PLD5: variants seen among roughly 807,000 people sequenced by gnomAD.
PLD5 encodes the protein phospholipase D family member 5, also known as inactive phospholipase D5.
In PLD5, 36 loss-of-function variants were observed where a neutral mutation model predicts 61.1. The ratio of observed to expected loss-of-function variants is 0.59; its 90% confidence interval spans 0.45 to 0.78. PLD5 has a LOEUF of 0.78. PLD5 is among the 30% of genes least tolerant of loss of function. PLD5 has a pLI of 0.00. For missense variants in PLD5, 515 were observed against 644.4 expected (o/e 0.80, Z 2.17); for synonymous variants, 243 against 242.8 (o/e 1.00, Z -0.01).
At chr1:242,371,537 ATC>A (rs141990242) in intron 1 of PLD5, among the ~76,000 whole-genome samples, 2 of 149,818 alleles carry the variant, frequency 1.3e-5, no homozygotes, top group Admixed American at 6.7e-5. Context: ...CCTTCTTTCA[ATC>A]TCTCTCTCTC....
At chr1:242,291,800 C>G (rs1266686853) in intron 2 of PLD5, among the ~76,000 whole-genome samples, 2 of 152,092 alleles carry the variant, frequency 1.3e-5, no homozygotes. Flanking sequence ...GAGCGAGACT[C>G]TGTCTCAAAA....
chr1:242,284,482 C>T (rs1674908519), intron 3 of PLD5, among the ~76,000 whole-genome samples: 2 of 152,062 alleles, frequency 1.3e-5, no homozygotes. Flanking sequence ...AGATAAGTTC[C>T]CCCAGACCTT....
chr1:242,380,602 A>C (rs138645786), intron 1 of PLD5, among the ~76,000 whole-genome samples: 1 of 152,184 alleles, frequency 6.6e-6, no homozygotes, highest in African/African-American at 2.4e-5. Flanking sequence ...AATAACCATG[A>C]GTTCCAGACA....
intron 1 of PLD5, among the ~76,000 whole-genome samples, chr1:242,376,357 T>G (rs1661956600): frequency 1.3e-5 from 2 of 152,078 alleles, no homozygotes; most frequent in African/African-American, 2.4e-5. Flanking sequence ...CACACTGGAG[T>G]GCAGTTGTCT....
At chr1:242,231,541 A>G (rs1216448390) in intron 4 of PLD5, among the ~76,000 whole-genome samples, 3 of 152,212 alleles carry the variant, frequency 2.0e-5, no homozygotes. Flanking sequence ...ATATTGTTAC[A>G]TGACACCTCA....
chr1:242,248,856 C>G (rs1473383840), intron 4 of PLD5, among the ~76,000 whole-genome samples: 1 of 152,154 alleles, frequency 6.6e-6, no homozygotes, highest in Non-Finnish European at 1.5e-5. Flanking sequence ...GGTGTTAAAA[C>G]TAAATGGCCA....
intron 1 of PLD5, among the ~76,000 whole-genome samples, chr1:242,482,816 G>A (rs952058877): frequency 8.4e-4 from 128 of 152,280 alleles, no homozygotes; most frequent in Middle Eastern, 6.8e-3. Flanking sequence ...GAGAAAGGTC[G>A]TGTTACCCAC....
At chr1:242,178,745 T>C (rs1339161114) in intron 5 of PLD5, among the ~76,000 whole-genome samples, 3 of 152,216 alleles carry the variant, frequency 2.0e-5, no homozygotes, top group Non-Finnish European at 2.9e-5. Context: ...TGATTGACTT[T>C]AGAAAATAAG....
chr1:242,207,914 TTA>T (rs1172418491), intron 5 of PLD5, among the ~76,000 whole-genome samples: 5 of 12,838 alleles, frequency 3.9e-4, no homozygotes, highest in African/African-American at 1.2e-3. Context: ...TTATATATAT[TTA>T]TATATTTATA....
At chr1:242,318,335 G>A (rs1016241015) in intron 2 of PLD5, among the ~76,000 whole-genome samples, 2 of 152,152 alleles carry the variant, frequency 1.3e-5, no homozygotes, top group African/African-American at 2.4e-5. Flanking sequence ...CCTCCTGCGG[G>A]AGGGGAGGCC....
chr1:242,449,509 G>C (rs1245533272), intron 1 of PLD5: 8 of 1,506,998 alleles, frequency 5.3e-6, no homozygotes, highest in Non-Finnish European at 7.1e-6. Context: ...TCCCTCAATT[G>C]CTGGCCTCAA....
chr1:242,126,872 C>A (rs774636062), intron 5 of PLD5, among the ~76,000 whole-genome samples: 2 of 152,162 alleles, frequency 1.3e-5, no homozygotes, highest in Non-Finnish European at 2.9e-5. Flanking sequence ...AATAAACAGA[C>A]AACTCACAGA....
chr1:242,288,325 A>G lies in PLD5; in HGVS notation c.495+37T>C, dbSNP rs374685387. ...ATACTAAGGAGTGGAAAATGCACAT[A>G]AGTAAAATCATCACACACACAGAGG... On this transcript the variant is annotated intron_variant, in intron 3 of 9. Coordinates refer to ENST00000536534, the MANE Select transcript of PLD5 (RefSeq NM_001372062.1). The G allele has an allele frequency of 1.6e-5, 25 of 1,588,630 alleles. No homozygotes were observed. In the African/African-American group the frequency reaches 3.0e-4, roughly 19 times the overall value.
intron 1 of PLD5, among the ~76,000 whole-genome samples, chr1:242,446,460 A>G (rs1666543247): frequency 6.6e-6 from 1 of 152,092 alleles, no homozygotes. Context: ...AGTCCCGGCT[A>G]CTCAGGAGGC....
At chr1:242,413,106 C>T (rs1194453289) in intron 1 of PLD5, among the ~76,000 whole-genome samples, 1 of 152,196 alleles carries the variant, frequency 6.6e-6, no homozygotes, top group Non-Finnish European at 1.5e-5. Flanking sequence ...CTTCCGCTTA[C>T]TCTGCAGGAA....
At chr1:242,134,075 C>A (rs1241411070) in intron 5 of PLD5, among the ~76,000 whole-genome samples, 2 of 152,134 alleles carry the variant, frequency 1.3e-5, no homozygotes, top group African/African-American at 2.4e-5. Context: ...TCAAATCCCT[C>A]GAAGAATCTA....
chr1:242,089,413 AGAAT>A lies in PLD5; in HGVS notation c.*437_*440del. The A allele has an allele frequency of 2.3e-5, 9 of 398,244 alleles. No individual in the cohort carries two copies. The South Asian group carries it at 5.1e-4, about 22-fold the overall frequency. 24.7% of individuals were successfully genotyped at this position (398,244 alleles called of 1,614,324 possible). A position where few individuals can be genotyped will look rare whatever the true frequency, so the allele number is the denominator to read the frequency against. ...GTGTAGGTCTTGGAGACGATTTACA[AGAAT>A]AAACACTTGGTTTTATCAGTCTCTT... On this transcript the variant is annotated 3_prime_UTR_variant, in exon 10 of 10. Transcript: ENST00000536534.
chr1:242,156,465 G>T lies in PLD5; in HGVS notation c.736-31800C>A, dbSNP rs188231311. ...ATAGTGTCAATGGTCTTTACAATTT[G>T]GTATGTTTTTGCAGTGGCTGGTACT... On this transcript the variant is annotated intron_variant, in intron 5 of 9. Transcript: ENST00000536534. Among the ~76,000 whole-genome samples the T allele has an allele frequency of 1.4e-3, 210 of 152,214 alleles. 1 individual carries two copies. Among genetic ancestry groups the T allele is most frequent in the African/African-American group, 4.9e-3 (203 of 41,518 alleles).
At chr1:242,244,168 A>G (rs2636249) in intron 4 of PLD5, among the ~76,000 whole-genome samples, 120,815 of 152,176 alleles carry the variant, frequency 0.79, 48,801 homozygotes, top group East Asian at 0.93. Flanking sequence ...AAATATTCAC[A>G]AAAGTCATTC....
Sources: gnomAD v4.1 joint callset for allele counts (sites outside exome capture counted in the v4.1 genomes callset) on GRCh38, gnomAD v4.1.1 for gene constraint, MANE v1.5 for transcripts, NCBI Gene and HGNC (gene_info 2026-07-23, HGNC 2026-07-21) for gene names.